Variants in SRPK1 observed in about 807,000 individuals in gnomAD.
SRPK1 encodes SFRS protein kinase 1.
Under a neutral mutation model 89.5 loss-of-function variants are expected in SRPK1, and 52 were observed. The observed-to-expected ratio is 0.58, with a 90% CI of 0.46 to 0.73. The LOEUF (loss-of-function observed/expected upper bound fraction) is 0.73, where lower values mean the gene tolerates loss of function less well. Among genes scored for constraint, SRPK1 ranks in the 30% least tolerant of loss-of-function variants. The pLI, the probability that SRPK1 is intolerant of heterozygous loss-of-function variation, is 0.00. For missense variants in SRPK1, 603 were observed against 780.6 expected, an observed-to-expected ratio of 0.77 and a Z score of 2.71; for synonymous variants, 255 against 270.2, an observed-to-expected ratio of 0.94 and a Z score of 0.55.
chr6:35,878,761 C>A (rs1770213837), intron 6 of SRPK1, among the ~76,000 whole-genome samples: 1 of 152,152 alleles, frequency 6.6e-6, no homozygotes, highest in Admixed American at 6.5e-5. Context: ...CCTTCAATTT[C>A]TTTCTTTTTC....
At chr6:35,839,320 C>T (rs1769252056) in intron 14 of SRPK1, among the ~76,000 whole-genome samples, 1 of 152,176 alleles carries the variant, frequency 6.6e-6, no homozygotes, top group Admixed American at 6.5e-5. Context: ...GGCTGATACC[C>T]CATTTTAAAG....
At chr6:35,911,103 A>T (rs1275770807) in intron 2 of SRPK1, among the ~76,000 whole-genome samples, 1 of 152,252 alleles carries the variant, frequency 6.6e-6, no homozygotes, top group Non-Finnish European at 1.5e-5. Context: ...ATAAGGCAAT[A>T]GCTACCATAG....
intron 14 of SRPK1, among the ~76,000 whole-genome samples, chr6:35,839,963 C>A (rs1769270507): frequency 6.6e-6 from 1 of 151,922 alleles, no homozygotes; most frequent in Non-Finnish European, 1.5e-5. Context: ...CAGGTGTGAG[C>A]CACTGTGCCT....
chr6:35,911,804 C>G (rs1364205619), intron 2 of SRPK1, among the ~76,000 whole-genome samples: 1 of 151,946 alleles, frequency 6.6e-6, no homozygotes, highest in Non-Finnish European at 1.5e-5. Flanking sequence ...CAACAAGGGA[C>G]TTAGAATATA....
intron 2 of SRPK1, among the ~76,000 whole-genome samples, chr6:35,919,031 A>G (rs903056404): frequency 6.6e-6 from 1 of 152,232 alleles, no homozygotes; most frequent in Non-Finnish European, 1.5e-5. Flanking sequence ...ATTCTCATCA[A>G]TTCCACAAAG....
rs141963597 is a variant in SRPK1, at chr6:35,862,925, G to A, written c.1513-5557C>T. ...CACATCTGTAATCCTAGCACTTTTGGAGGCTAAGGTGCTTGAGCCCAGGAG... is the reference window on the plus strand; with the variant it reads ...CACATCTGTAATCCTAGCACTTTTGAAGGCTAAGGTGCTTGAGCCCAGGAG... On this transcript the variant is annotated intron_variant, in intron 12 of 15. Transcript: ENST00000373825. Among the ~76,000 whole-genome samples, 6 of 152,250 alleles carry A rather than the reference G, an allele frequency of 3.9e-5. No individual in the cohort carries two copies. The East Asian group carries it at 1.2e-3, about 29-fold the overall frequency.
chr6:35,837,099 ATTTCAGGTTTTTTTTGCAATGCTT>A (rs1336029475), intron 15 of SRPK1, among the ~76,000 whole-genome samples: 159 of 152,226 alleles, frequency 1.0e-3, no homozygotes, highest in African/African-American at 3.8e-3. Context: ...AGGTTTTCAC[ATTTCAGGTTTTTTTTGCAATGCTT>A]AAGAAATATA....
At chr6:35,915,058 A>G (rs1771057955) in intron 2 of SRPK1, among the ~76,000 whole-genome samples, 2 of 152,158 alleles carry the variant, frequency 1.3e-5, no homozygotes, top group Admixed American at 6.5e-5. Context: ...AGCCTCCCAA[A>G]GTGCCAGGAT....
At position 35,874,333 on chromosome 6, in the gene SRPK1, C is replaced by G; in HGVS notation, c.485G>C (p.Cys162Ser). 1 of 1,610,746 alleles carries G rather than the reference C, an allele frequency of 6.2e-7. No homozygotes were observed. The highest frequency in any genetic ancestry group is 8.5e-7 in the Non-Finnish European group (1 of 1,178,074). ...ATGCCCCAAAACTTCAAATACCATG[C>G]AGATATCTAGGAATTCATTAAGGAG... ...KISGVNGTHI[C>S]MVFEVLGHHL... The change falls in exon 7 of 16, where the codon TGC (cysteine) becomes TCC (serine). Residue 162 changes from cysteine (C) to serine (S), a missense_variant. By Grantham distance (112) the Cys-to-Ser change is moderately radical (BLOSUM62 -1). Coordinates refer to ENST00000373825, the MANE Select transcript of SRPK1 (RefSeq NM_003137.5).
At chr6:35,859,861 C>CTT (rs879560712) in intron 12 of SRPK1, among the ~76,000 whole-genome samples, 3 of 140,966 alleles carry the variant, frequency 2.1e-5, no homozygotes, top group Admixed American at 7.1e-5. Flanking sequence ...AGAACGTAGT[C>CTT]TTTTTTTTTT....
At chr6:35,877,417 A>G (rs1370305824) in intron 6 of SRPK1, among the ~76,000 whole-genome samples, 1 of 152,240 alleles carries the variant, frequency 6.6e-6, no homozygotes, top group African/African-American at 2.4e-5. Context: ...CCAAAATTAA[A>G]ATAATCGATC....
chr6:35,915,336 G>A (rs1771064103), intron 2 of SRPK1, among the ~76,000 whole-genome samples: 1 of 151,460 alleles, frequency 6.6e-6, no homozygotes, highest in Non-Finnish European at 1.5e-5. Flanking sequence ...GAACCCGGGA[G>A]GGGGAGCTTG....
rs747192001 is a variant in SRPK1, at chr6:35,904,843, T to C, written c.75-13830A>G. 18 of 227,980 alleles carry C rather than the reference T, an allele frequency of 7.9e-5. No homozygotes were observed. The South Asian group carries it at 8.2e-4, about 10-fold the overall frequency. 14.1% of individuals were successfully genotyped at this position (227,980 alleles called of 1,614,324 possible). On this transcript the variant is annotated intron_variant, in intron 2 of 15. Coordinates refer to ENST00000373825, the MANE Select transcript of SRPK1 (RefSeq NM_003137.5). ...AAAAGTAAAATAAAAAAATAAAAAA[T>C]AAATAAAGTCGTGGGCTGGGCACTG...
Position 35,835,336 on chromosome 6 carries a change from C to T in SRPK1, c.1936G>A (p.Glu646Lys), listed in dbSNP as rs537927603. The T allele has an allele frequency of 8.7e-6, 14 of 1,613,562 alleles. No homozygotes were observed. The highest frequency in any genetic ancestry group is 2.7e-5 in the African/African-American group (2 of 74,900). The change falls in exon 16 of 16, where the codon GAG (glutamate) becomes AAG (lysine). Residue 646 changes from glutamate to lysine, a missense_variant. Coordinates refer to ENST00000373825, the MANE Select transcript of SRPK1 (RefSeq NM_003137.5). ...TTAAGCCAAGGGTGCCGGAGACACT[C>T]GGCGGCAGTGGCTCTCTTCTCAGGG... is the stretch of plus-strand genomic sequence containing the variant. ...LIPEKRATAA[E>K]CLRHPWLNS
intron 2 of SRPK1, among the ~76,000 whole-genome samples, chr6:35,899,156 T>C (rs942221773): frequency 1.3e-4 from 20 of 152,140 alleles, no homozygotes; most frequent in African/African-American, 4.8e-4. Context: ...CGAGACTCCA[T>C]CTCACAAACA....
intron 2 of SRPK1, 31 bp from the exon 3 acceptor site, chr6:35,891,044 T>C (rs1770507999): frequency 6.5e-7 from 1 of 1,536,434 alleles, no homozygotes; most frequent in Non-Finnish European, 8.8e-7. Flanking sequence ...GCCCATTCCA[T>C]TTGGACAGAA....
At chr6:35,841,708 C>T (rs1561965651) in intron 14 of SRPK1, among the ~76,000 whole-genome samples, 1 of 151,694 alleles carries the variant, frequency 6.6e-6, no homozygotes, top group African/African-American at 2.4e-5. Flanking sequence ...GGCACAAGCC[C>T]GTAGTCCCAG....
At position 35,878,530 on chromosome 6, in the gene SRPK1, G is replaced by C. The variant is rs114200157; in HGVS notation, c.479-4191C>G. Among the ~76,000 whole-genome samples, 874 of 152,220 alleles carry C rather than the reference G, an allele frequency of 5.7e-3. 6 individuals carry two copies. Among genetic ancestry groups the C allele is most frequent in the African/African-American group, 0.019 (798 of 41,508 alleles). The stretch of plus-strand genomic sequence containing the variant: ...TTGGATAATAATTATTGTAAATGTT[G>C]GTCAATTTCAGCTCTTAGCACAGTG... On this transcript the variant is annotated intron_variant, in intron 6 of 15. Transcript: ENST00000373825.
chr6:35,865,123 T>C (rs1345372784), intron 12 of SRPK1, among the ~76,000 whole-genome samples: 2 of 152,194 alleles, frequency 1.3e-5, no homozygotes, highest in Non-Finnish European at 2.9e-5. Context: ...TACTCTTTCA[T>C]AGCACAACAG....
Sources: allele counts gnomAD v4.1 joint callset (sites outside exome capture counted in the v4.1 genomes callset), GRCh38; gene constraint gnomAD v4.1.1; transcripts MANE v1.5; gene names NCBI Gene and HGNC (gene_info 2026-07-23, HGNC 2026-07-21).